Variants in ZNF821 observed in about 807,000 individuals in gnomAD.
The protein encoded by ZNF821 is zinc finger protein 821.
In ZNF821, 16 loss-of-function variants were observed where a neutral mutation model predicts 44.3. The observed-to-expected ratio is 0.36, with a 90% CI of 0.24 to 0.55. ZNF821 has a LOEUF of 0.55. Among genes scored for constraint, ZNF821 ranks in the 20% least tolerant of loss-of-function variants. ZNF821 has a pLI of 0.86. For synonymous variants in ZNF821, 204 were observed against 197.6 expected (o/e 1.03, Z -0.27); for missense variants, 436 against 547.6 (o/e 0.80, Z 2.03).
chr16:71,863,139 G>A (rs749932012), intron 6 of ZNF821, among the ~76,000 whole-genome samples: 2 of 151,900 alleles, frequency 1.3e-5, no homozygotes, highest in Non-Finnish European at 2.9e-5. Flanking sequence ...CAAGTGATCC[G>A]CCCACCTTGG....
At position 71,860,421 on chromosome 16, in the gene ZNF821, G is replaced by T. The variant is rs149068810; in HGVS notation, c.836C>A (p.Thr279Lys). ...VRLQRLERERTAKKSRRDNET... is the reference protein window; with the variant it reads ...VRLQRLERERKAKKSRRDNET... ...ATTGTCCCGCCGGCTCTTCTTGGCC[G>T]TGCGCTCTCGTTCCAGCCGCTGCAG... Residue 279 changes from threonine to lysine, a missense_variant, in exon 8 of 8, where the codon ACG becomes AAG. Physicochemically the swap from Thr to Lys is moderately conservative, Grantham distance 78. Transcript: ENST00000425432. The surrounding 1 kb of genome is among the most constrained non-coding windows in gnomAD (Gnocchi z 7.3). 1 of 1,613,126 alleles carries T rather than the reference G, an allele frequency of 6.2e-7. No homozygotes were observed. Among genetic ancestry groups the T allele is most frequent in the African/African-American group, 1.3e-5 (1 of 75,006 alleles).
chr16:71,885,115 C>T (rs1001020240), upstream of ZNF821: 1 of 152,542 alleles, frequency 6.6e-6, no homozygotes, highest in Non-Finnish European at 1.5e-5. Context: ...CTCGGCCTCT[C>T]AAAGTGCTGG....
At chr16:71,893,057 T>A (rs2036899909) in intron 1 of ZNF821, among the ~76,000 whole-genome samples, 1 of 112,690 alleles carries the variant, frequency 8.9e-6, no homozygotes, top group South Asian at 3.4e-4. Flanking sequence ...TGAGATATAG[T>A]CTGGCTCTGT....
chr16:71,871,559 A>G (rs1004644816), intron 3 of ZNF821, among the ~76,000 whole-genome samples: 6 of 152,230 alleles, frequency 3.9e-5, no homozygotes, highest in Non-Finnish European at 7.3e-5. Context: ...CTATGGAGAT[A>G]CTAGTGATTA....
chr16:71,890,927 C>T (rs997704784), intron 1 of ZNF821, among the ~76,000 whole-genome samples: 7 of 151,824 alleles, frequency 4.6e-5, no homozygotes, highest in South Asian at 2.1e-4. Flanking sequence ...GCCCGCACCA[C>T]GCCCAGCTAA....
Position 71,860,741 on chromosome 16 carries a change from A to C in ZNF821, c.585-69T>G. The C allele has an allele frequency of 1.3e-6, 2 of 1,514,164 alleles. No individual in the cohort carries two copies. The highest frequency in any genetic ancestry group is 1.8e-6 in the Non-Finnish European group (2 of 1,130,006). 93.8% of individuals were successfully genotyped at this position (1,514,164 alleles called of 1,614,324 possible). On this transcript the variant is annotated intron_variant, in intron 7 of 7. Coordinates refer to ENST00000425432, the MANE Select transcript of ZNF821 (RefSeq NM_001201552.2). This position sits in a 1 kb window ranked among gnomAD's most constrained non-coding sequence, Gnocchi z 7.3. Reference sequence around the variant, plus strand: ...AGAGTCGGGACTCCAGCCCTGCCTTATTCTTTTCCTATGAGGCCAGTGGCT... The same window carrying C: ...AGAGTCGGGACTCCAGCCCTGCCTTCTTCTTTTCCTATGAGGCCAGTGGCT...
At chr16:71,879,604 CAG>C (rs1255188692) in intron 3 of ZNF821, among the ~76,000 whole-genome samples, 3 of 152,136 alleles carry the variant, frequency 2.0e-5, no homozygotes, top group Non-Finnish European at 4.4e-5. Context: ...CAAGGATCTG[CAG>C]AGAGTAGGTA....
upstream of ZNF821, among the ~76,000 whole-genome samples, chr16:71,888,327 T>A (rs2036869521): frequency 6.6e-6 from 1 of 152,222 alleles, no homozygotes; most frequent in South Asian, 2.1e-4. Flanking sequence ...GTGGTTTGGA[T>A]GCCATGTCTA....
At chr16:71,892,014 A>G (rs1256245386) in intron 1 of ZNF821, among the ~76,000 whole-genome samples, 1 of 144,190 alleles carries the variant, frequency 6.9e-6, no homozygotes, top group Non-Finnish European at 1.5e-5. Context: ...AAAAAAAAAA[A>G]AAAAAAATTA....
chr16:71,872,959 G>C (rs573828207), intron 3 of ZNF821, among the ~76,000 whole-genome samples: 1 of 152,292 alleles, frequency 6.6e-6, no homozygotes, highest in East Asian at 1.9e-4. Flanking sequence ...GGTTTGGTTA[G>C]TTCAAACACA....
At chr16:71,881,085 G>A (rs1431695590) in intron 2 of ZNF821, among the ~76,000 whole-genome samples, 1 of 152,150 alleles carries the variant, frequency 6.6e-6, no homozygotes, top group Admixed American at 6.5e-5. Context: ...CAGGAATATG[G>A]ATCTGGTCAC....
chr16:71,860,292 C>T lies in ZNF821; in HGVS notation c.965G>A (p.Arg322Gln), dbSNP rs2033686281. ...TDEQRARRLQ[R>Q]DREAMRLKRA... ...CTTCAGCCTCATGGCCTCCCGATCC[C>T]GCTGCAGCCGGCGTGCCCGCTGCTC... Residue 322 changes from arginine to glutamine, a missense_variant, in exon 8 of 8, where the codon CGG becomes CAG. This residue lies in a region of ZNF821 where 72 missense variants were observed against 133.3 expected (regional missense o/e 0.54). Transcript: ENST00000425432. The surrounding 1 kb of genome is among the most constrained non-coding windows in gnomAD (Gnocchi z 7.3). The T allele has an allele frequency of 2.5e-6, 4 of 1,613,410 alleles. No homozygotes were observed. Among genetic ancestry groups the T allele is most frequent in the Non-Finnish European group, 3.4e-6 (4 of 1,180,018 alleles).
rs556582739 is a variant in ZNF821 at position 71,872,125 on chromosome 16, C to G, written c.41-4088G>C. On this transcript the variant is annotated intron_variant, in intron 3 of 7. Transcript: ENST00000425432. Reference sequence around the variant, plus strand: ...GGATTACAGGAGTGAGCCACTGCGCCCGGCCTGGTTAAGGTTTTTCAGACC... The same window carrying G: ...GGATTACAGGAGTGAGCCACTGCGCGCGGCCTGGTTAAGGTTTTTCAGACC... 2.0e-3 allele frequency among the ~76,000 whole-genome samples: 302 copies of G among 152,140 alleles called. 1 individual carries two copies. The highest frequency in any genetic ancestry group is 3.4e-3 in the Middle Eastern group (1 of 294).
intron 3 of ZNF821, among the ~76,000 whole-genome samples, chr16:71,874,234 T>C (rs1025316486): frequency 3.3e-5 from 5 of 151,994 alleles, no homozygotes; most frequent in Admixed American, 3.3e-4. Context: ...AGTGCTGGGA[T>C]TACAGGCATG....
At chr16:71,892,141 G>A (rs1381066039) in intron 1 of ZNF821, among the ~76,000 whole-genome samples, 2 of 106,386 alleles carry the variant, frequency 1.9e-5, no homozygotes, top group African/African-American at 3.6e-5. Context: ...TCGCGCCATT[G>A]CACTCCAGCC....
In ZNF821 at chr16:71,859,885, C is replaced by T. The variant is rs1434796452; in HGVS notation, c.*133G>A. 4 of 1,051,770 alleles carry T rather than the reference C, an allele frequency of 3.8e-6. No individual in the cohort carries two copies. The highest frequency in any genetic ancestry group is 2.7e-6 in the Non-Finnish European group (2 of 748,882). The allele number at this position is 1,051,770 out of a possible 1,614,324, so 65.2% of individuals were successfully genotyped here. On this transcript the variant is annotated 3_prime_UTR_variant, in exon 8 of 8. Transcript: ENST00000425432. ...ATATGCAAGGGCTGCTCAGGTCCAC[C>T]TGCAATAAACCCAGGCCTGCCTCTG... is the stretch of plus-strand genomic sequence containing the variant.
chr16:71,859,785 G>A lies in ZNF821; in HGVS notation c.*233C>T. ...CTGTGGCAGTGGGCTGGGGAGGCCA[G>A]TTCTCTGGACTGCCTGCTCCCTTGT... On this transcript the variant is annotated 3_prime_UTR_variant, in exon 8 of 8. Transcript: ENST00000425432. 1.8e-6 allele frequency: 1 copy of A among 549,454 alleles called. No individual in the cohort carries two copies. Among genetic ancestry groups the A allele is most frequent in the East Asian group, 3.0e-5 (1 of 33,758 alleles). The allele number at this position is 549,454 out of a possible 1,614,324, so 34.0% of individuals were successfully genotyped here.
At chr16:71,889,632 C>G (rs930920914), upstream of ZNF821, among the ~76,000 whole-genome samples, 2 of 152,038 alleles carry the variant, frequency 1.3e-5, no homozygotes, top group African/African-American at 4.8e-5. Flanking sequence ...CAAGATTATG[C>G]CATTGCACTC....
intron 6 of ZNF821, among the ~76,000 whole-genome samples, chr16:71,863,626 CA>C (rs1310994512): frequency 6.6e-6 from 1 of 151,952 alleles, no homozygotes. Context: ...TGAGGTTAAG[CA>C]ATCCTCCCCA....
Sources: gnomAD v4.1 joint callset for allele counts (sites outside exome capture counted in the v4.1 genomes callset) on GRCh38, gnomAD v4.1.1 for gene constraint, gnomAD v4.1.1 regional missense constraint, Gnocchi (gnomAD v3.1) non-coding constraint, MANE v1.5 for transcripts, NCBI Gene and HGNC (gene_info 2026-07-23, HGNC 2026-07-21) for gene names.